Variants in MYPN observed in about 807,000 individuals in gnomAD.
MYPN encodes the protein myopalladin, also known as sarcomeric protein myopalladin, 145 kDa (MYOP).
In MYPN, 63 loss-of-function variants were observed where a neutral mutation model predicts 129.4. That is an observed-to-expected ratio of 0.49 (90% CI 0.40 to 0.60). The LOEUF is 0.60. Among genes scored for constraint, MYPN ranks in the 20% least tolerant of loss-of-function variants. MYPN has a pLI of 0.00. For missense variants in MYPN, 1,596 were observed against 1,635.4 expected, an observed-to-expected ratio of 0.98 and a Z score of 0.42; for synonymous variants, 629 against 600.9, an observed-to-expected ratio of 1.05 and a Z score of -0.68.
chr10:68,176,220 C>G (rs536093219), intron 12 of MYPN, among the ~76,000 whole-genome samples: 1 of 152,300 alleles, frequency 6.6e-6, no homozygotes, highest in South Asian at 2.1e-4. Context: ...CTAGTAAATG[C>G]TTACACCAAA....
At chr10:68,185,479 A>C (rs531165910) in intron 12 of MYPN, among the ~76,000 whole-genome samples, 1 of 152,198 alleles carries the variant, frequency 6.6e-6, no homozygotes, top group Admixed American at 6.5e-5. Context: ...TGCCACGTAC[A>C]GGCTCAGTCA....
At chr10:68,203,718 C>CAGAGAG (rs1338807696) in intron 18 of MYPN, among the ~76,000 whole-genome samples, 38 of 69,430 alleles carry the variant, frequency 5.5e-4, no homozygotes, top group Admixed American at 1.5e-3. Context: ...CACATACACA[C>CAGAGAG]ACAGAGAGAG....
chr10:68,146,048 C>G (rs1212303111), intron 4 of MYPN, among the ~76,000 whole-genome samples: 2 of 152,136 alleles, frequency 1.3e-5, no homozygotes, highest in Admixed American at 6.5e-5. Context: ...GATTCTGATC[C>G]TATTGTTTTC....
chr10:68,211,719 T>C lies in MYPN; in HGVS notation c.*1264T>C. The C allele has an allele frequency of 2.2e-6, 1 of 454,126 alleles. No homozygotes were observed. The highest frequency in any genetic ancestry group is 4.4e-6 in the Non-Finnish European group (1 of 226,786). 28.1% of individuals were successfully genotyped at this position (454,126 alleles called of 1,614,324 possible). A position where few individuals can be genotyped will look rare whatever the true frequency, so the allele number is the denominator to read the frequency against. ...GTTGAATGAATCTTCTGTTATTATG[T>C]CTATTATAAGATAACCTAATCTTAT... On this transcript the variant is annotated 3_prime_UTR_variant, in exon 20 of 20. Transcript: ENST00000358913.
intron 7 of MYPN, 108 bp downstream of exon 7, chr10:68,158,735 A>G (rs2042924187): frequency 1.2e-6 from 1 of 805,584 alleles, no homozygotes; most frequent in Non-Finnish European, 1.9e-6. Context: ...AGTCAAAAAG[A>G]ATAAAAAACA....
chr10:68,094,809 C>A (rs1386418723), intron 1 of MYPN, among the ~76,000 whole-genome samples: 1 of 152,132 alleles, frequency 6.6e-6, no homozygotes, highest in Non-Finnish European at 1.5e-5. Context: ...GGCCTGTCAT[C>A]CCAGCACTTT....
intron 6 of MYPN, among the ~76,000 whole-genome samples, chr10:68,153,454 CT>C (rs1320455346): frequency 1.3e-5 from 2 of 152,140 alleles, no homozygotes; most frequent in Non-Finnish European, 2.9e-5. Flanking sequence ...CATTCACATA[CT>C]TTGTTTGTTA....
intron 2 of MYPN, among the ~76,000 whole-genome samples, chr10:68,141,282 T>C (rs1393727649): frequency 1.3e-5 from 2 of 151,870 alleles, no homozygotes; most frequent in African/African-American, 4.8e-5. Flanking sequence ...GGCAGGAGAA[T>C]TGCTTGAACC....
chr10:68,106,626 A>G, upstream of MYPN: 1 of 704,638 alleles, frequency 1.4e-6, no homozygotes, highest in Non-Finnish European at 2.6e-6. Context: ...GCTTTGGTAT[A>G]TGTGAGTAAT....
At position 68,194,544 on chromosome 10, in the gene MYPN, C is replaced by T. The variant is rs11815154; in HGVS notation, c.3075+32C>T. The T allele has an allele frequency of 0.15, 240,789 of 1,609,770 alleles. 19,557 individuals are homozygous for T. The highest frequency in any genetic ancestry group is 0.22 in the Admixed American group (13,272 of 59,536). On this transcript the variant is annotated intron_variant, in intron 14 of 19. Transcript: ENST00000358913. ...ACGCAGGGTTCTGCGCTGTGCTGCA[C>T]TCTGAGGAAGGAGCGGTTGATGTCA...
intron 11 of MYPN, among the ~76,000 whole-genome samples, chr10:68,175,085 G>A (rs368876524): frequency 7.3e-5 from 11 of 151,512 alleles, no homozygotes; most frequent in South Asian, 2.1e-4. Context: ...GCAGTGAGCC[G>A]AGATCACACC....
chr10:68,106,560 A>T (rs1012712833), upstream of MYPN: 11 of 680,954 alleles, frequency 1.6e-5, no homozygotes, highest in South Asian at 1.6e-5. Context: ...TAGTTTTTTC[A>T]TCTGATACTG....
chr10:68,148,231 A>G, intron 4 of MYPN, 122 bp from the exon 5 acceptor site: 3 of 867,988 alleles, frequency 3.5e-6, no homozygotes, highest in South Asian at 3.1e-5. Context: ...GTAAAATATC[A>G]TCAAACCAAG....
At chr10:68,194,323 TAAAC>T in intron 13 of MYPN, 36 bp from the exon 14 acceptor site, 6 of 1,608,070 alleles carry the variant, frequency 3.7e-6, no homozygotes, top group Non-Finnish European at 5.1e-6. Flanking sequence ...CCTCTAAAGA[TAAAC>T]AAAACAGTGT....
Position 68,166,388 on chromosome 10 carries a change from A to T in MYPN, c.1695A>T (p.Ser565=). The part of the protein sequence containing the change: ...AIEPQPSPPH[S]EPPSVEQPPK... The stretch of plus-strand genomic sequence containing the variant: ...AGCCACAGCCCTCCCCACCCCACTC[A>T]GAGCCTCCATCTGTGGAACAACCCC... The change falls in exon 10 of 20, where the codon TCA becomes TCT. Residue 565 remains serine, a synonymous_variant. Transcript: ENST00000358913. 1 of 1,614,072 alleles carries T rather than the reference A, an allele frequency of 6.2e-7. No homozygotes were observed. The highest frequency in any genetic ancestry group is 2.2e-5 in the East Asian group (1 of 44,864).
At chr10:68,097,659 A>G (rs904043250) in intron 1 of MYPN, among the ~76,000 whole-genome samples, 3 of 152,096 alleles carry the variant, frequency 2.0e-5, no homozygotes, top group Non-Finnish European at 4.4e-5. Context: ...AACTTGCCTA[A>G]TGTTTCTCAC....
intron 1 of MYPN, among the ~76,000 whole-genome samples, chr10:68,093,936 T>G (rs991480084): frequency 6.6e-6 from 1 of 152,018 alleles, no homozygotes; most frequent in Non-Finnish European, 1.5e-5. Context: ...CCCCTCCACT[T>G]TTTAGGCTAC....
At chr10:68,113,357 T>C (rs893959969) in intron 1 of MYPN, among the ~76,000 whole-genome samples, 2 of 152,216 alleles carry the variant, frequency 1.3e-5, no homozygotes, top group Non-Finnish European at 2.9e-5. Context: ...TTTGGTTTTT[T>C]CATGAATGTG....
rs140950157 is a variant in MYPN, at chr10:68,200,353, T to C, written c.3493+778T>C. Among the ~76,000 whole-genome samples the C allele has an allele frequency of 4.2e-3, 640 of 152,338 alleles. 5 individuals carry two copies. The highest frequency in any genetic ancestry group is 0.015 in the African/African-American group (603 of 41,580). On this transcript the variant is annotated intron_variant, in intron 17 of 19. Coordinates refer to ENST00000358913, the MANE Select transcript of MYPN (RefSeq NM_032578.4). ...TGTGAATGAAACACTGTAATGCCTA[T>C]ACATAAGGACAACAAGACATTGTCA...
Sources: allele counts gnomAD v4.1 joint callset (sites outside exome capture counted in the v4.1 genomes callset), GRCh38; gene constraint gnomAD v4.1.1; transcripts MANE v1.5; gene names NCBI Gene and HGNC (gene_info 2026-07-23, HGNC 2026-07-21).